Variants in CDH5 observed in about 807,000 individuals in gnomAD.
CDH5 encodes cadherin-5.
In CDH5, 28 loss-of-function variants were observed where a neutral mutation model predicts 62.0. The observed-to-expected ratio is 0.45, with a 90% confidence interval of 0.33 to 0.62. CDH5 has a LOEUF of 0.62. Ranked by LOEUF, CDH5 falls within the 20% of genes least tolerant of loss-of-function variation. The pLI is 0.02. For synonymous variants in CDH5, 464 were observed against 445.8 expected, an observed-to-expected ratio of 1.04 and a Z score of -0.52; for missense variants, 940 against 1,065.1, an observed-to-expected ratio of 0.88 and a Z score of 1.63.
intron 1 of CDH5, among the ~76,000 whole-genome samples, chr16:66,369,912 T>C (rs1291686034): frequency 1.3e-5 from 2 of 152,258 alleles, no homozygotes; most frequent in South Asian, 2.1e-4. Flanking sequence ...GCAAGCTGAG[T>C]TCTGTTTTGC....
At chr16:66,398,591 G>C (rs766106318) in intron 10 of CDH5, 30 bp downstream of exon 10, 1 of 1,165,144 alleles carries the variant, frequency 8.6e-7, no homozygotes, top group Non-Finnish European at 1.3e-6. Flanking sequence ...GTTCAGCTGG[G>C]CGTGATGACC....
At chr16:66,374,575 T>C (rs1217425448) in intron 1 of CDH5, among the ~76,000 whole-genome samples, 1 of 152,140 alleles carries the variant, frequency 6.6e-6, no homozygotes, top group Non-Finnish European at 1.5e-5. Context: ...CGCTTTGTTA[T>C]GTGGGGCCAG....
At chr16:66,380,550 G>A (rs1371574953) in intron 2 of CDH5, among the ~76,000 whole-genome samples, 1 of 152,010 alleles carries the variant, frequency 6.6e-6, no homozygotes, top group Non-Finnish European at 1.5e-5. Flanking sequence ...TGATCATGGT[G>A]ATGGTGGTCA....
chr16:66,399,722 C>G (rs2142343109), intron 10 of CDH5, among the ~76,000 whole-genome samples: 1 of 152,260 alleles, frequency 6.6e-6, no homozygotes, highest in Non-Finnish European at 1.5e-5. Flanking sequence ...TCAGTGCCAC[C>G]CCAAAGACAC....
At chr16:66,399,108 G>A (rs918307973) in intron 10 of CDH5, among the ~76,000 whole-genome samples, 2 of 152,228 alleles carry the variant, frequency 1.3e-5, no homozygotes, top group Non-Finnish European at 2.9e-5. Context: ...CATTCCCAAA[G>A]AGTCAAAACT....
At chr16:66,372,059 G>T (rs1022722488) in intron 1 of CDH5, among the ~76,000 whole-genome samples, 1 of 152,188 alleles carries the variant, frequency 6.6e-6, no homozygotes, top group African/African-American at 2.4e-5. Flanking sequence ...AAGGGAAAGG[G>T]ACCAAAGGGA....
At chr16:66,402,216 C>T (rs1961294865) in intron 11 of CDH5, among the ~76,000 whole-genome samples, 1 of 151,426 alleles carries the variant, frequency 6.6e-6, no homozygotes, top group African/African-American at 2.4e-5. Flanking sequence ...TAACTCAAAG[C>T]TAGAAGGCCT....
rs772555217 is a variant in CDH5 at position 66,392,335 on chromosome 16, T to C, written c.1169T>C (p.Ile390Thr). 93 of 1,614,076 alleles carry C rather than the reference T, an allele frequency of 5.8e-5. No homozygotes were observed. Among genetic ancestry groups the C allele is most frequent in the Non-Finnish European group, 7.5e-5 (88 of 1,180,036 alleles). ...QLKENQKKPLIGTVLAMDPDA... is the reference protein window; with the variant it reads ...QLKENQKKPLTGTVLAMDPDA... ...AAGGAAAACCAGAAGAAGCCTCTGA[T>C]TGGCACAGTGCTGGCCATGGACCCT... The change falls in exon 7 of 12, where the codon ATT becomes ACT. Residue 390 changes from isoleucine (I) to threonine (T), a missense_variant. Transcript: ENST00000341529.
chr16:66,379,040 C>T (rs1276471088), intron 1 of CDH5, among the ~76,000 whole-genome samples: 1 of 152,208 alleles, frequency 6.6e-6, no homozygotes, highest in Non-Finnish European at 1.5e-5. Flanking sequence ...CAGAAGGCAG[C>T]TGTTCTACCC....
intron 2 of CDH5, among the ~76,000 whole-genome samples, chr16:66,384,078 C>CTTTTTTTTTTTT (rs35435487): frequency 1.4e-5 from 1 of 71,356 alleles, no homozygotes; most frequent in African/African-American, 5.9e-5. Context: ...GGAGTCCAGC[C>CTTTTTTTTTTTT]TTTTTTTTTT....
rs1398840144 is a variant in CDH5, at chr16:66,386,901, C to T, written c.303C>T (p.Asp101=). The T allele has an allele frequency of 4.3e-6, 7 of 1,614,190 alleles. No homozygotes were observed. The highest frequency in any genetic ancestry group is 2.2e-5 in the East Asian group (1 of 44,876). ...KVFRVDAETG[D]VFAIERLDRE... ...TCCGGGTCGATGCAGAGACAGGAGA[C>T]GTGTTCGCCATTGAGAGGCTGGACC... Residue 101 remains aspartate (D), a synonymous_variant, in exon 3 of 12, where the codon GAC becomes GAT. Coordinates refer to ENST00000341529, the MANE Select transcript of CDH5 (RefSeq NM_001795.5).
intron 7 of CDH5, among the ~76,000 whole-genome samples, chr16:66,395,147 C>CAAATTACAGATTCAG (rs933824158): frequency 3.5e-5 from 5 of 142,084 alleles, no homozygotes; most frequent in African/African-American, 1.0e-4. Flanking sequence ...TTCAGCCTCT[C>CAAATTACAGATTCAG]CCAAAGCACT....
At chr16:66,371,562 C>A (rs534938936) in intron 1 of CDH5, among the ~76,000 whole-genome samples, 1 of 152,186 alleles carries the variant, frequency 6.6e-6, no homozygotes, top group Admixed American at 6.5e-5. Context: ...GGGGTGTGCA[C>A]TTGTGAAGGC....
intron 7 of CDH5, 82 bp downstream of exon 7, chr16:66,392,465 CAG>C: frequency 6.4e-7 from 1 of 1,555,874 alleles, no homozygotes; most frequent in South Asian, 1.2e-5. Context: ...GGCCAGGACT[CAG>C]AGAGGGGAAC....
chr16:66,388,239 C>T (rs1025311573), intron 3 of CDH5, 85 bp from the exon 4 acceptor site: 1 of 845,304 alleles, frequency 1.2e-6, no homozygotes, highest in Non-Finnish European at 2.0e-6. Flanking sequence ...CAGAGCACAG[C>T]CTGAGCCCCA....
intron 8 of CDH5, 89 bp downstream of exon 8, chr16:66,396,290 T>C (rs1290464091): frequency 6.6e-7 from 1 of 1,523,338 alleles, no homozygotes; most frequent in Non-Finnish European, 9.0e-7. Flanking sequence ...TTGGGGTCTC[T>C]AGACGTATTA....
chr16:66,383,023 G>C (rs1960924695), intron 2 of CDH5, among the ~76,000 whole-genome samples: 1 of 152,138 alleles, frequency 6.6e-6, no homozygotes, highest in South Asian at 2.1e-4. Context: ...ATCTAATCAT[G>C]AGAGAAACAT....
At chr16:66,379,196 G>A (rs573167902) in intron 1 of CDH5, 123 bp from the exon 2 acceptor site, 34 of 722,668 alleles carry the variant, frequency 4.7e-5, no homozygotes, top group East Asian at 2.0e-4. Context: ...TTAATTACCC[G>A]CAGATTGTGT....
At chr16:66,398,364 A>T in intron 9 of CDH5, 92 bp from the exon 10 acceptor site, 1 of 902,310 alleles carries the variant, frequency 1.1e-6, no homozygotes. Flanking sequence ...AGCCATGGTC[A>T]GGACTTAAAC....
Sources: allele counts gnomAD v4.1 joint callset (sites outside exome capture counted in the v4.1 genomes callset), GRCh38; gene constraint gnomAD v4.1.1; transcripts MANE v1.5; gene names NCBI Gene and HGNC (gene_info 2026-07-23, HGNC 2026-07-21).